Variants in FYN observed in about 807,000 individuals in gnomAD.
The protein encoded by FYN is tyrosine-protein kinase Fyn.
FYN carries 10 observed loss-of-function variants against 70.2 expected under a neutral mutation model. The observed-to-expected ratio is 0.14, with a 90% CI of 0.09 to 0.24. The LOEUF (loss-of-function observed/expected upper bound fraction) is 0.24, where lower values mean the gene tolerates loss of function less well. Among genes scored for constraint, FYN ranks in the 10% least tolerant of loss-of-function variants. FYN has a pLI of 1.00. For synonymous variants in FYN, 236 were observed against 248.6 expected (o/e 0.95, Z 0.48); for missense variants, 319 against 673.1 (o/e 0.47, Z 5.82).
intron 5 of FYN, chr6:111,709,201 C>T (rs947783603): frequency 1.3e-5 from 2 of 149,920 alleles, no homozygotes; most frequent in Non-Finnish European, 2.9e-5. Context: ...AAAAAAAAAT[C>T]GTTCTTTTGG....
At chr6:111,819,660 C>T (rs1457392555) in intron 2 of FYN, among the ~76,000 whole-genome samples, 1 of 151,940 alleles carries the variant, frequency 6.6e-6, no homozygotes, top group Non-Finnish European at 1.5e-5. Flanking sequence ...TGTGTAGTTT[C>T]TACTTTCCTG....
At chr6:111,851,952 A>C (rs187652074) in intron 1 of FYN, among the ~76,000 whole-genome samples, 1 of 151,842 alleles carries the variant, frequency 6.6e-6, no homozygotes, top group African/African-American at 2.4e-5. Context: ...TGTCCTATTT[A>C]AAAGTGTTAG....
chr6:111,738,501 G>A (rs963799215), intron 3 of FYN, among the ~76,000 whole-genome samples: 1 of 152,210 alleles, frequency 6.6e-6, no homozygotes, highest in Non-Finnish European at 1.5e-5. Context: ...CACATCCATC[G>A]GAGATGCTCC....
intron 2 of FYN, among the ~76,000 whole-genome samples, chr6:111,812,367 A>T (rs1435684069): frequency 6.6e-6 from 1 of 152,186 alleles, no homozygotes; most frequent in African/African-American, 2.4e-5. Flanking sequence ...AATGGCTCCC[A>T]GGGAGTGGGT....
intron 9 of FYN, among the ~76,000 whole-genome samples, chr6:111,698,341 C>A (rs746024702): frequency 6.6e-6 from 1 of 152,154 alleles, no homozygotes; most frequent in Non-Finnish European, 1.5e-5. Flanking sequence ...CCATGCTGGT[C>A]AGGCTGGTCT....
chr6:111,862,304 C>G lies in FYN; in HGVS notation c.-123+10664G>C, dbSNP rs1773985606. Among the ~76,000 whole-genome samples, 3 of 152,118 alleles carry G rather than the reference C, an allele frequency of 2.0e-5. No individual in the cohort carries two copies. The South Asian group carries it at 6.2e-4, about 32-fold the overall frequency. ...ATCACCCTAAATTTTTAACAAAAAG[C>G]TCAAGATTACAAACAAAAAATCTTC... On this transcript the variant is annotated intron_variant, in intron 1 of 13. Transcript: ENST00000354650.
intron 12 of FYN, among the ~76,000 whole-genome samples, chr6:111,679,325 T>C (rs894143145): frequency 7.9e-5 from 12 of 152,206 alleles, no homozygotes; most frequent in African/African-American, 2.9e-4. Flanking sequence ...CTCTTTGTAG[T>C]TGTCACTACT....
chr6:111,822,199 T>C (rs1158551652), intron 2 of FYN, among the ~76,000 whole-genome samples: 1 of 152,182 alleles, frequency 6.6e-6, no homozygotes, highest in East Asian at 1.9e-4. Flanking sequence ...ATTGTGGCAC[T>C]ATTCACAATA....
chr6:111,842,257 G>A (rs1357461123), intron 2 of FYN, among the ~76,000 whole-genome samples: 1 of 152,196 alleles, frequency 6.6e-6, no homozygotes, highest in Non-Finnish European at 1.5e-5. Flanking sequence ...CTGGCAGCCT[G>A]TAGTACATGT....
Position 111,859,797 on chromosome 6 carries a change from A to C in FYN, c.-122-13168T>G, listed in dbSNP as rs541016560. Reference sequence around the variant, plus strand: ...CAACCACAAAAAACAAAAACAAAAAACACACCATGCCCATCTGGAATCTGT... The same window carrying C: ...CAACCACAAAAAACAAAAACAAAAACCACACCATGCCCATCTGGAATCTGT... On this transcript the variant is annotated intron_variant, in intron 1 of 13. Transcript: ENST00000354650. Among the ~76,000 whole-genome samples, 3 of 152,306 alleles carry C rather than the reference A, an allele frequency of 2.0e-5. No individual in the cohort carries two copies. In the East Asian group the frequency reaches 5.8e-4, roughly 29 times the overall value.
chr6:111,674,355 C>T, intron 13 of FYN, 144 bp downstream of exon 13: 1 of 873,184 alleles, frequency 1.1e-6, no homozygotes, highest in East Asian at 2.6e-5. Context: ...TTTTCTCTCG[C>T]TGAATACCTG....
At chr6:111,734,441 A>G (rs1466511787) in intron 3 of FYN, among the ~76,000 whole-genome samples, 1 of 152,042 alleles carries the variant, frequency 6.6e-6, no homozygotes, top group Non-Finnish European at 1.5e-5. Flanking sequence ...GGTTTAAAGT[A>G]CTCTTTCTTA....
chr6:111,778,992 C>A (rs959007507), intron 3 of FYN, among the ~76,000 whole-genome samples: 1 of 152,040 alleles, frequency 6.6e-6, no homozygotes, highest in South Asian at 2.1e-4. Context: ...CAACTATATA[C>A]CCCCTCCTCA....
intron 1 of FYN, among the ~76,000 whole-genome samples, chr6:111,852,147 G>A (rs1382585700): frequency 1.3e-5 from 2 of 152,038 alleles, no homozygotes; most frequent in East Asian, 3.9e-4. Context: ...AGCACAGAGG[G>A]GGTTCCATTA....
At chr6:111,756,883 T>G (rs1802760769) in intron 3 of FYN, among the ~76,000 whole-genome samples, 1 of 152,188 alleles carries the variant, frequency 6.6e-6, no homozygotes, top group Non-Finnish European at 1.5e-5. Flanking sequence ...AATGGTGAAA[T>G]GCTAACAGCC....
intron 1 of FYN, among the ~76,000 whole-genome samples, chr6:111,865,907 A>C (rs1774090992): frequency 6.6e-6 from 1 of 152,254 alleles, no homozygotes; most frequent in South Asian, 2.1e-4. Flanking sequence ...AAGGTGCTGC[A>C]TTTCTTACTA....
rs560904026 is a variant in FYN, at chr6:111,661,562, C to T, written c.*177G>A. 12 of 606,668 alleles carry T rather than the reference C, an allele frequency of 2.0e-5. No individual in the cohort carries two copies. Among genetic ancestry groups the T allele is most frequent in the East Asian group, 1.4e-4 (5 of 36,782 alleles). The allele number at this position is 606,668 out of a possible 1,614,324, so 37.6% of individuals were successfully genotyped here. On this transcript the variant is annotated 3_prime_UTR_variant, in exon 14 of 14. Coordinates refer to ENST00000354650, the MANE Select transcript of FYN (RefSeq NM_002037.5). This position sits in a 1 kb window ranked among gnomAD's most constrained non-coding sequence, Gnocchi z 4.0. ...TCTCGAATGCTTCACAGAGGAGGTTCGGATTTGGGGACAAGTGTCATTAAT... is the reference window on the plus strand; with the variant it reads ...TCTCGAATGCTTCACAGAGGAGGTTTGGATTTGGGGACAAGTGTCATTAAT...
intron 3 of FYN, among the ~76,000 whole-genome samples, chr6:111,777,771 C>T (rs958316958): frequency 6.6e-6 from 1 of 152,178 alleles, no homozygotes; most frequent in African/African-American, 2.4e-5. Flanking sequence ...TTCAAACTTC[C>T]TATGACTTGT....
intron 3 of FYN, among the ~76,000 whole-genome samples, chr6:111,734,958 C>G (rs1006659010): frequency 6.6e-5 from 10 of 152,218 alleles, no homozygotes; most frequent in African/African-American, 2.4e-4. Flanking sequence ...GGGAGACAGA[C>G]AAGTAAATCG....
Sources: gnomAD v4.1 joint callset for allele counts (sites outside exome capture counted in the v4.1 genomes callset) on GRCh38, gnomAD v4.1.1 for gene constraint, Gnocchi (gnomAD v3.1) non-coding constraint, MANE v1.5 for transcripts, NCBI Gene and HGNC (gene_info 2026-07-23, HGNC 2026-07-21) for gene names.